The following C4orf36 variants were observed in gnomAD, a reference collection of about 807,000 sequenced individuals.
C4orf36 encodes chromosome 4 open reading frame 36, also known as uncharacterized protein C4orf36.
C4orf36 carries 11 observed loss-of-function variants against 12.2 expected under a neutral mutation model. The ratio of observed to expected loss-of-function variants is 0.90; its 90% CI spans 0.57 to 1.49. The LOEUF is 1.49. Ranked by LOEUF, C4orf36 falls within the 40% of genes most tolerant of loss-of-function variation. The probability of loss-of-function intolerance (pLI) is 0.00; values close to 1 mark genes in which losing one functional copy is unlikely to be tolerated. For synonymous variants in C4orf36, 54 were observed against 51.3 expected, an observed-to-expected ratio of 1.05 and a Z score of -0.22; for missense variants, 137 against 133.9, an observed-to-expected ratio of 1.02 and a Z score of -0.11.
At chr4:86,915,266 G>C in the C4orf36 span, among the ~76,000 whole-genome samples, 1 of 152,138 alleles carries the variant, frequency 6.6e-6, no homozygotes, top group Non-Finnish European at 1.5e-5. Flanking sequence ...ATGTATGGAT[G>C]ACTTCCTCTC....
chr4:86,878,860 A>G (rs1452255340), intron 4 of C4orf36, among the ~76,000 whole-genome samples: 1 of 152,182 alleles, frequency 6.6e-6, no homozygotes, highest in Non-Finnish European at 1.5e-5. Context: ...GACAGACACC[A>G]GGAAAAGCAA....
intron 2 of C4orf36, among the ~76,000 whole-genome samples, 162 bp from the exon 3 acceptor site, chr4:86,888,437 GGA>G (rs1254609950): frequency 1.3e-5 from 2 of 152,200 alleles, no homozygotes; most frequent in Non-Finnish European, 2.9e-5. Context: ...GTTCCAGACA[GGA>G]GAGGGAGATT....
the C4orf36 span, among the ~76,000 whole-genome samples, chr4:86,910,232 A>G: frequency 1.3e-5 from 2 of 151,912 alleles, no homozygotes; most frequent in East Asian, 3.9e-4. Context: ...ACTTGAGACC[A>G]GGAGTTTGCG....
the C4orf36 span, among the ~76,000 whole-genome samples, chr4:86,911,357 C>G: frequency 6.6e-6 from 1 of 152,194 alleles, no homozygotes; most frequent in Non-Finnish European, 1.5e-5. Context: ...TTCCTCTCAT[C>G]CTACACCCCC....
At chr4:86,901,662 C>T in the C4orf36 span, among the ~76,000 whole-genome samples, 2 of 152,174 alleles carry the variant, frequency 1.3e-5, no homozygotes. Flanking sequence ...CTGCCCGCCT[C>T]GGCCTCCCAA....
chr4:86,885,139 C>G (rs1363405742), intron 4 of C4orf36, among the ~76,000 whole-genome samples: 3 of 152,096 alleles, frequency 2.0e-5, no homozygotes, highest in African/African-American at 7.2e-5. Context: ...CGTGATGCCT[C>G]CAGCTTTGTT....
chr4:86,926,270 C>T, the C4orf36 span: 2 of 152,218 alleles, frequency 1.3e-5, no homozygotes, highest in African/African-American at 2.4e-5. Context: ...ATGCTGGACC[C>T]GTTGACTTCA....
chr4:86,891,701 G>A, intron 1 of C4orf36, 108 bp from the exon 2 acceptor site: 1 of 1,036,354 alleles, frequency 9.6e-7, no homozygotes, highest in Non-Finnish European at 1.3e-6. Context: ...AGTGTTCATT[G>A]AACTGGAACC....
At chr4:86,926,054 T>C in the C4orf36 span, 2 of 152,064 alleles carry the variant, frequency 1.3e-5, no homozygotes, top group Non-Finnish European at 2.9e-5. Context: ...TTTTTTGTAT[T>C]TTTTAGTAGA....
At chr4:86,878,947 G>A (rs1270090554) in intron 4 of C4orf36, among the ~76,000 whole-genome samples, 1 of 152,170 alleles carries the variant, frequency 6.6e-6, no homozygotes, top group African/African-American at 2.4e-5. Context: ...CAGAGAAGAT[G>A]CATTCCCAGA....
chr4:86,914,165 G>T, the C4orf36 span: 1 of 1,593,784 alleles, frequency 6.3e-7, no homozygotes, highest in Non-Finnish European at 8.6e-7. Flanking sequence ...CAGCAAATTT[G>T]TTCCCTAGTG....
intron 2 of C4orf36, among the ~76,000 whole-genome samples, chr4:86,888,798 C>G (rs1747280877): frequency 1.3e-5 from 2 of 152,260 alleles, no homozygotes; most frequent in South Asian, 4.1e-4. Flanking sequence ...CTACATGTTT[C>G]TCATCTGCAG....
chr4:86,913,983 G>C, the C4orf36 span: 1 of 1,575,810 alleles, frequency 6.3e-7, no homozygotes, highest in Non-Finnish European at 8.7e-7. Context: ...AATGTAGGCA[G>C]AAAACAGTCT....
intron 4 of C4orf36, among the ~76,000 whole-genome samples, chr4:86,883,154 T>C (rs529089151): frequency 1.3e-5 from 2 of 152,318 alleles, no homozygotes; most frequent in African/African-American, 4.8e-5. Context: ...CAAAATGATA[T>C]CTGTGCTTCT....
the C4orf36 span, chr4:86,933,361 C>T: frequency 6.6e-6 from 1 of 152,124 alleles, no homozygotes; most frequent in East Asian, 1.9e-4. Flanking sequence ...TAGCACATTG[C>T]CTTAAGAATA....
the C4orf36 span, among the ~76,000 whole-genome samples, chr4:86,904,871 A>G: frequency 6.6e-6 from 1 of 152,154 alleles, no homozygotes. Context: ...TGCCCCCTCA[A>G]AATTCATTCG....
the C4orf36 span, among the ~76,000 whole-genome samples, chr4:86,908,209 ACACACACACGT>A: frequency 1.0e-5 from 1 of 97,512 alleles, no homozygotes; most frequent in Non-Finnish European, 2.3e-5. Flanking sequence ...ACACACACAC[ACACACACACGT>A]TGCTGGTGTT....
intron 4 of C4orf36, among the ~76,000 whole-genome samples, chr4:86,885,023 T>C (rs1311299761): frequency 6.6e-6 from 1 of 152,194 alleles, no homozygotes; most frequent in African/African-American, 2.4e-5. Context: ...AGATGTGTGG[T>C]ATTATTTCTG....
At chr4:86,910,541 C>T in the C4orf36 span, among the ~76,000 whole-genome samples, 5 of 152,038 alleles carry the variant, frequency 3.3e-5, no homozygotes, top group Non-Finnish European at 7.4e-5. Context: ...AAAATATCAT[C>T]CCAAGGGACA....
Sources: gnomAD v4.1 joint callset for allele counts (sites outside exome capture counted in the v4.1 genomes callset) on GRCh38, gnomAD v4.1.1 for gene constraint, MANE v1.5 for transcripts, NCBI Gene and HGNC (gene_info 2026-07-23, HGNC 2026-07-21) for gene names.